The following STK33 variants were observed in gnomAD, a reference collection of about 807,000 sequenced individuals.
STK33 encodes the protein serine/threonine-protein kinase 33.
STK33 carries 52 observed loss-of-function variants against 58.0 expected under a neutral mutation model. That is an observed-to-expected ratio of 0.90 (90% CI 0.72 to 1.13). The LOEUF (loss-of-function observed/expected upper bound fraction) is 1.13, where lower values mean the gene tolerates loss of function less well. STK33 is among the 50% of genes most tolerant of loss of function. The pLI, the probability that STK33 is intolerant of heterozygous loss-of-function variation, is 0.00. For synonymous variants in STK33, 215 were observed against 200.1 expected (o/e 1.07, Z -0.63); for missense variants, 630 against 604.2 (o/e 1.04, Z -0.45).
At chr11:8,539,088 C>T (rs1955291116) in intron 1 of STK33, among the ~76,000 whole-genome samples, 1 of 151,998 alleles carries the variant, frequency 6.6e-6, no homozygotes, top group South Asian at 2.1e-4. Context: ...AGTATCAGCT[C>T]CAGCCAGAAG....
intron 8 of STK33, among the ~76,000 whole-genome samples, chr11:8,459,945 G>A (rs1477391558): frequency 6.6e-6 from 1 of 152,230 alleles, no homozygotes; most frequent in Admixed American, 6.5e-5. Context: ...AGGAACAGCT[G>A]TGTTCCCATG....
the STK33 span, among the ~76,000 whole-genome samples, chr11:8,382,563 A>G: frequency 6.6e-6 from 1 of 152,160 alleles, no homozygotes; most frequent in Admixed American, 6.5e-5. Context: ...CAAAGAAGTT[A>G]ATGTGCCCCA....
At chr11:8,571,286 C>T (rs544164576) in intron 1 of STK33, among the ~76,000 whole-genome samples, 197 of 152,212 alleles carry the variant, frequency 1.3e-3, no homozygotes, top group African/African-American at 4.5e-3. Flanking sequence ...GAAAACAGCA[C>T]GCTAACTAGA....
chr11:8,359,927 G>A, the STK33 span, among the ~76,000 whole-genome samples: 11 of 152,370 alleles, frequency 7.2e-5, no homozygotes, highest in African/African-American at 2.4e-4. Flanking sequence ...TTCCAGAGGT[G>A]ACCCCAACAG....
rs373679621 is a variant in STK33 at position 8,487,539 on chromosome 11, A to G, written c.-465-6925T>C. Among the ~76,000 whole-genome samples the G allele has an allele frequency of 2.2e-4, 34 of 152,268 alleles. No homozygotes were observed. In the South Asian group the frequency reaches 7.1e-3, roughly 32 times the overall value. On this transcript the variant is annotated intron_variant, in intron 1 of 15. Transcript: ENST00000687296. ...AGGAAGGATATGTAGAATGGAAACA[A>G]GAGAACCAAGAAAAGAATTCTGAAT...
At chr11:8,487,403 C>A (rs2138473291) in intron 1 of STK33, among the ~76,000 whole-genome samples, 1 of 127,912 alleles carries the variant, frequency 7.8e-6, no homozygotes, top group Middle Eastern at 5.1e-3. Flanking sequence ...GCCTGAGTGA[C>A]ACAGTGAGAC....
chr11:8,514,375 G>A (rs1992756), intron 1 of STK33, among the ~76,000 whole-genome samples: 34,879 of 151,944 alleles, frequency 0.23, 4,305 homozygotes, highest in Middle Eastern at 0.31. Context: ...CTTAGCCATC[G>A]TGAATAAAAC....
intron 1 of STK33, among the ~76,000 whole-genome samples, chr11:8,577,971 T>C (rs1188000913): frequency 2.0e-5 from 3 of 152,094 alleles, no homozygotes; most frequent in Non-Finnish European, 2.9e-5. Flanking sequence ...CATGCAGCAG[T>C]GAGTCATTTT....
In STK33 at chr11:8,473,270, T is replaced by C; in HGVS notation, c.232A>G (p.Arg78Gly). 4 of 1,603,478 alleles carry C rather than the reference T, an allele frequency of 2.5e-6. No homozygotes were observed. The highest frequency in any genetic ancestry group is 2.6e-6 in the Non-Finnish European group (3 of 1,175,130). The change falls in exon 6 of 16, where the codon AGA (arginine) becomes GGA (glycine). Residue 78 changes from arginine to glycine, a missense_variant. Transcript: ENST00000687296. ...GCTTTTCTCTCTACATTTGAGGTTC[T>C]TGAGGGCTGGGACCAAAAAAAAAAT... is the stretch of plus-strand genomic sequence containing the variant. The part of the protein sequence containing the change: ...DITSRKDLPS[R>G]TSNVERKASQ...
At chr11:8,507,663 T>A (rs998214190) in intron 1 of STK33, among the ~76,000 whole-genome samples, 3 of 152,126 alleles carry the variant, frequency 2.0e-5, no homozygotes, top group African/African-American at 4.8e-5. Context: ...ATGAAAAACC[T>A]CTGTCTCCAC....
intron 15 of STK33, among the ~76,000 whole-genome samples, chr11:8,395,230 C>A (rs1425716194): frequency 2.6e-5 from 4 of 152,154 alleles, no homozygotes; most frequent in Non-Finnish European, 4.4e-5. Context: ...GGGAGGGACC[C>A]AGTGGGAGGT....
chr11:8,501,262 A>T (rs1343086117), intron 1 of STK33, among the ~76,000 whole-genome samples: 1 of 152,162 alleles, frequency 6.6e-6, no homozygotes, highest in Non-Finnish European at 1.5e-5. Context: ...TAACCCACAG[A>T]CTTGGAGAAA....
chr11:8,477,337 T>C (rs1159771369), intron 2 of STK33, 54 bp from the exon 3 acceptor site: 4 of 152,168 alleles, frequency 2.6e-5, no homozygotes, highest in Admixed American at 2.0e-4. Flanking sequence ...TAACCATCAA[T>C]GACTCAGAGC....
intron 3 of STK33, 33 bp from the exon 4 acceptor site, chr11:8,476,784 A>C (rs1949320134): frequency 6.6e-6 from 1 of 152,202 alleles, no homozygotes; most frequent in Non-Finnish European, 1.5e-5. Context: ...TCTTATATAA[A>C]TGGTTTCAGA....
In STK33 at chr11:8,570,475, CTT is replaced by C. The variant is rs1315317774; in HGVS notation, c.-466+23606_-466+23607del. ...AAAGCCTTATCCAAATATATAACAGCTTTGTTTGTAGTAGTCAAAAACTAGAA... is the reference window on the plus strand; with the variant it reads ...AAAGCCTTATCCAAATATATAACAGCTGTTTGTAGTAGTCAAAAACTAGAA... On this transcript the variant is annotated intron_variant, in intron 1 of 15. Coordinates refer to ENST00000687296, the MANE Select transcript of STK33 (RefSeq NM_001352389.2). 2.6e-5 allele frequency among the ~76,000 whole-genome samples: 4 copies of C among 152,172 alleles called. No individual in the cohort carries two copies. In the East Asian group the frequency reaches 7.7e-4, roughly 29 times the overall value.
At chr11:8,533,210 T>C (rs903601899) in intron 1 of STK33, 1 of 152,202 alleles carries the variant, frequency 6.6e-6, no homozygotes, top group African/African-American at 2.4e-5. Context: ...AGTTCCAAAA[T>C]AGTGGCCCAG....
At chr11:8,347,778 C>G in the STK33 span, among the ~76,000 whole-genome samples, 1 of 152,228 alleles carries the variant, frequency 6.6e-6, no homozygotes, top group African/African-American at 2.4e-5. Context: ...TGACCTGACC[C>G]CAGACCTATC....
At chr11:8,539,760 A>G (rs1014892111) in intron 1 of STK33, among the ~76,000 whole-genome samples, 3 of 152,192 alleles carry the variant, frequency 2.0e-5, no homozygotes, top group Non-Finnish European at 4.4e-5. Context: ...TCATGAATAT[A>G]CATAAAGGAA....
chr11:8,400,356 C>T (rs1850168891), intron 15 of STK33, among the ~76,000 whole-genome samples: 1 of 152,158 alleles, frequency 6.6e-6, no homozygotes. Flanking sequence ...TAAACAGAAC[C>T]AATGACAAAA....
Sources: allele counts gnomAD v4.1 joint callset (sites outside exome capture counted in the v4.1 genomes callset), GRCh38; gene constraint gnomAD v4.1.1; transcripts MANE v1.5; gene names NCBI Gene and HGNC (gene_info 2026-07-23, HGNC 2026-07-21).